The following PDE10A variants were observed in gnomAD, a reference collection of about 807,000 sequenced individuals.
PDE10A encodes cAMP and cAMP-inhibited cGMP 3',5'-cyclic phosphodiesterase 10A.
A neutral mutation model predicts 97.7 loss-of-function variants in PDE10A; 39 were observed. That is an observed-to-expected ratio of 0.40 (90% CI 0.31 to 0.52). The LOEUF (loss-of-function observed/expected upper bound fraction) is 0.52, where lower values mean the gene tolerates loss of function less well. Ranked by LOEUF, PDE10A falls within the 20% of genes least tolerant of loss-of-function variation. The probability of loss-of-function intolerance (pLI) is 0.56; values close to 1 mark genes in which losing one functional copy is unlikely to be tolerated. For missense variants in PDE10A, 731 were observed against 1,047.8 expected, an observed-to-expected ratio of 0.70 and a Z score of 4.17; for synonymous variants, 371 against 376.8, an observed-to-expected ratio of 0.98 and a Z score of 0.18.
intron 1 of PDE10A, 155 bp from the exon 2 acceptor site, chr6:165,543,723 G>A: frequency 1.8e-6 from 1 of 543,956 alleles, no homozygotes; most frequent in African/African-American, 1.9e-5. Flanking sequence ...ACTGCTTAGT[G>A]GGTACAGAGT....
chr6:165,509,193 G>A (rs564429510), intron 2 of PDE10A, among the ~76,000 whole-genome samples: 4 of 151,614 alleles, frequency 2.6e-5, no homozygotes, highest in East Asian at 1.9e-4. Flanking sequence ...TTTTTTACAC[G>A]CACAGAATGT....
chr6:165,500,035 G>A (rs1780771252), intron 2 of PDE10A, among the ~76,000 whole-genome samples: 1 of 152,088 alleles, frequency 6.6e-6, no homozygotes, highest in Non-Finnish European at 1.5e-5. Flanking sequence ...GGAGAACAAG[G>A]CAAGAGCATC....
chr6:165,840,089 C>T (rs1057016461), intron 1 of PDE10A, among the ~76,000 whole-genome samples: 12 of 6,170 alleles, frequency 1.9e-3, no homozygotes, highest in Non-Finnish European at 4.0e-3. Flanking sequence ...CCTTCATCCC[C>T]ATCCCCATTC....
At chr6:165,925,040 C>A (rs1782891439) in intron 1 of PDE10A, among the ~76,000 whole-genome samples, 1 of 152,072 alleles carries the variant, frequency 6.6e-6, no homozygotes, top group Non-Finnish European at 1.5e-5. Flanking sequence ...GAATCTAGAA[C>A]CTATAATGAA....
chr6:165,683,013 G>A (rs933838659), intron 1 of PDE10A, among the ~76,000 whole-genome samples: 1 of 152,230 alleles, frequency 6.6e-6, no homozygotes, highest in African/African-American at 2.4e-5. Flanking sequence ...ATGTAAAAGT[G>A]CGTGTGGGCA....
chr6:165,687,642 G>A lies in PDE10A; in HGVS notation c.-614-144074C>T, dbSNP rs371546715. ...GAAGACCAACTAACATTTGTATAAC[G>A]TGCCAAGCCTTACCTGTTCTACGCT... On this transcript the variant is annotated intron_variant, in intron 1 of 19. Coordinates refer to the PDE10A transcript ENST00000366882. Among the ~76,000 whole-genome samples the A allele has an allele frequency of 2.0e-5, 3 of 152,264 alleles. No homozygotes were observed. The East Asian group carries it at 5.8e-4, about 29-fold the overall frequency.
intron 1 of PDE10A, among the ~76,000 whole-genome samples, chr6:165,862,290 A>T (rs73264323): frequency 0.021 from 3,167 of 152,336 alleles, 115 homozygotes; most frequent in African/African-American, 0.073. Flanking sequence ...ACAAATTCAC[A>T]GGTGGCATGA....
intron 20 of PDE10A, among the ~76,000 whole-genome samples, chr6:165,337,714 T>G (rs1341556036): frequency 1.3e-5 from 2 of 152,212 alleles, no homozygotes; most frequent in Non-Finnish European, 2.9e-5. Context: ...AAAATCAAAC[T>G]ATTCTAAAAC....
intron 1 of PDE10A, among the ~76,000 whole-genome samples, chr6:165,816,375 C>T (rs759761568): frequency 4.6e-5 from 7 of 152,184 alleles, no homozygotes; most frequent in African/African-American, 9.7e-5. Flanking sequence ...TGCTAGTTCC[C>T]GTAAGGGATT....
intron 18 of PDE10A, among the ~76,000 whole-genome samples, chr6:165,354,790 G>A (rs1018448860): frequency 1.3e-5 from 2 of 152,188 alleles, no homozygotes; most frequent in Non-Finnish European, 2.9e-5. Flanking sequence ...GAGGAGAAGA[G>A]AAAGGTTTCC....
chr6:165,904,884 A>T (rs919644915), intron 1 of PDE10A, among the ~76,000 whole-genome samples: 2 of 152,212 alleles, frequency 1.3e-5, no homozygotes, highest in African/African-American at 4.8e-5. Flanking sequence ...AAAGACTTTC[A>T]CTGAACAATG....
intron 1 of PDE10A, among the ~76,000 whole-genome samples, chr6:165,651,771 T>A (rs576577868): frequency 6.6e-6 from 1 of 152,352 alleles, no homozygotes; most frequent in East Asian, 1.9e-4. Flanking sequence ...AATATACACA[T>A]AAATATACCT....
At chr6:165,883,543 A>C (rs1246975178) in intron 1 of PDE10A, among the ~76,000 whole-genome samples, 1 of 65,120 alleles carries the variant, frequency 1.5e-5, no homozygotes, top group Non-Finnish European at 3.1e-5. Flanking sequence ...CCGTCTCAAA[A>C]AAAAAAAAAA....
At chr6:165,621,771 A>AAGAAGAAGAAGAAGAAG (rs112872551) in intron 1 of PDE10A, among the ~76,000 whole-genome samples, 1 of 134,688 alleles carries the variant, frequency 7.4e-6, no homozygotes. Flanking sequence ...AAGAAAAAAA[A>AAGAAGAAGAAGAAGAAG]AAGAAGAAGA....
chr6:165,894,394 C>T (rs531172067), intron 1 of PDE10A: 2 of 455,944 alleles, frequency 4.4e-6, no homozygotes, highest in African/African-American at 2.0e-5. Context: ...TTGGCTGAAA[C>T]CACAAGATGA....
Position 165,816,163 on chromosome 6 carries a change from A to C in PDE10A, c.-615+171366T>G, listed in dbSNP as rs1354091932. Among the ~76,000 whole-genome samples, 4 of 152,146 alleles carry C rather than the reference A, an allele frequency of 2.6e-5. No homozygotes were observed. In the South Asian group the frequency reaches 6.2e-4, roughly 24 times the overall value. ...ACGGGGTTTCACCGTGTTAGCCAGG[A>C]TGCTCTCAATCTCCTGACCTCGTGA... On this transcript the variant is annotated intron_variant, in intron 1 of 19. Transcript: ENST00000366882.
intron 1 of PDE10A, among the ~76,000 whole-genome samples, chr6:165,731,947 T>C (rs533268451): frequency 6.6e-6 from 1 of 152,318 alleles, no homozygotes; most frequent in South Asian, 2.1e-4. Flanking sequence ...CTCACAAAAT[T>C]AACTTTTCTA....
chr6:165,745,862 C>T (rs1164029664), intron 1 of PDE10A, among the ~76,000 whole-genome samples: 1 of 152,228 alleles, frequency 6.6e-6, no homozygotes, highest in African/African-American at 2.4e-5. Flanking sequence ...GGCAGGGTTA[C>T]TCCTGGTGCA....
intron 1 of PDE10A, among the ~76,000 whole-genome samples, chr6:165,741,969 G>A (rs1039002): frequency 0.059 from 9,006 of 152,228 alleles, 488 homozygotes; most frequent in Admixed American, 0.17. Context: ...ATTAGATGTT[G>A]GCAGCTAGGT....
Sources: allele counts gnomAD v4.1 joint callset (sites outside exome capture counted in the v4.1 genomes callset), GRCh38; gene constraint gnomAD v4.1.1; transcripts MANE v1.5; gene names NCBI Gene and HGNC (gene_info 2026-07-23, HGNC 2026-07-21).